Variants in CCDC102B observed in about 807,000 individuals in gnomAD.
CCDC102B encodes the protein coiled-coil domain-containing protein 102B.
In CCDC102B, 75 loss-of-function variants were observed where a neutral mutation model predicts 57.4. The ratio of observed to expected loss-of-function variants is 1.31; its 90% CI spans 1.08 to 1.58. The LOEUF is 1.58. Ranked by LOEUF, CCDC102B falls within the 40% of genes most tolerant of loss-of-function variation. The probability of loss-of-function intolerance (pLI) is 0.00; values close to 1 mark genes in which losing one functional copy is unlikely to be tolerated. For missense variants in CCDC102B, 636 were observed against 582.6 expected (o/e 1.09, Z -0.94); for synonymous variants, 206 against 201.9 (o/e 1.02, Z -0.17).
At chr18:68,924,138 A>C in intron 6 of CCDC102B, among the ~76,000 whole-genome samples, 1 of 145,344 alleles carries the variant, frequency 6.9e-6, no homozygotes, top group Non-Finnish European at 1.5e-5. Flanking sequence ...TTCCCCCCCA[A>C]AACTTATCAG....
At chr18:68,815,677 TAC>T (rs10592850) in intron 1 of CCDC102B, among the ~76,000 whole-genome samples, 2,696 of 149,228 alleles carry the variant, frequency 0.018, 26 homozygotes, top group Non-Finnish European at 0.021. Context: ...TCCATTTACA[TAC>T]ACACACACAC....
intron 6 of CCDC102B, among the ~76,000 whole-genome samples, chr18:68,990,253 C>G (rs2050829395): frequency 6.6e-6 from 1 of 152,132 alleles, no homozygotes; most frequent in Non-Finnish European, 1.5e-5. Flanking sequence ...GCCAGTAATC[C>G]TACCCTATTT....
intron 2 of CCDC102B, among the ~76,000 whole-genome samples, chr18:68,765,221 C>T (rs192397554): frequency 7.1e-6 from 1 of 141,658 alleles, no homozygotes; most frequent in East Asian, 2.1e-4. Context: ...GAGAATTTGT[C>T]AAGAAAGAAA....
chr18:69,028,620 A>G (rs1217504464), intron 7 of CCDC102B, among the ~76,000 whole-genome samples: 1 of 151,892 alleles, frequency 6.6e-6, no homozygotes. Context: ...TTTGCAGAAT[A>G]TGGGCTTCTT....
chr18:68,765,378 A>AAAGAAAGAAAGAAAGAAAGAAAGAAAGG (rs1568239061), intron 2 of CCDC102B, among the ~76,000 whole-genome samples: 1 of 132,502 alleles, frequency 7.5e-6, no homozygotes, highest in African/African-American at 2.9e-5. Context: ...AGAAAGAAAG[A>AAAGAAAGAAAGAAAGAAAGAAAGAAAGG]AAAGAAAGAA....
At chr18:68,791,636 G>A (rs1184465239) in intron 2 of CCDC102B, among the ~76,000 whole-genome samples, 3 of 60,390 alleles carry the variant, frequency 5.0e-5, no homozygotes, top group Non-Finnish European at 1.5e-4. Context: ...GTGTGTGTGT[G>A]TGTATGTGAG....
intron 3 of CCDC102B, among the ~76,000 whole-genome samples, chr18:68,842,465 A>G (rs1037330902): frequency 6.6e-6 from 1 of 152,308 alleles, no homozygotes; most frequent in Non-Finnish European, 1.5e-5. Context: ...TGCATAGATT[A>G]TAAAAATGCC....
At chr18:68,839,625 A>G (rs2037537461) in intron 3 of CCDC102B, among the ~76,000 whole-genome samples, 1 of 152,196 alleles carries the variant, frequency 6.6e-6, no homozygotes. Flanking sequence ...GCAAGGGCTC[A>G]AAGGCTGGCA....
intron 6 of CCDC102B, among the ~76,000 whole-genome samples, chr18:68,915,679 G>A (rs938829997): frequency 1.3e-5 from 2 of 152,158 alleles, no homozygotes; most frequent in Non-Finnish European, 2.9e-5. Flanking sequence ...AAGTCATTGA[G>A]GTTTTTGCCA....
At chr18:68,923,282 C>CA (rs913167505) in intron 6 of CCDC102B, among the ~76,000 whole-genome samples, 19 of 150,962 alleles carry the variant, frequency 1.3e-4, no homozygotes, top group Non-Finnish European at 2.4e-4. Context: ...AGTGTGTATA[C>CA]AAAAAATGTA....
At chr18:68,838,606 T>C in intron 2 of CCDC102B, 100 bp from the exon 3 acceptor site, 1 of 1,473,128 alleles carries the variant, frequency 6.8e-7, no homozygotes, top group Non-Finnish European at 9.0e-7. Context: ...AAATATGAAT[T>C]GGTTGTGGTA....
rs376002893 is a variant in CCDC102B at position 69,012,830 on chromosome 18, C to CA, written c.1434+1732dup. ...TGAGATTTGGAGTTGTTTGTTGCTA[C>CA]AAAAAACAAAACAAATTTAACTTAG... is the stretch of plus-strand genomic sequence containing the variant. On this transcript the variant is annotated intron_variant, in intron 7 of 7. Coordinates refer to ENST00000360242, the MANE Select transcript of CCDC102B (RefSeq NM_024781.3). Among the ~76,000 whole-genome samples, 277 of 151,876 alleles carry CA rather than the reference C, an allele frequency of 1.8e-3. No homozygotes were observed. The Middle Eastern group carries it at 0.027, about 15-fold the overall frequency.
At chr18:68,988,176 A>C (rs1568104052) in intron 6 of CCDC102B, among the ~76,000 whole-genome samples, 1 of 152,324 alleles carries the variant, frequency 6.6e-6, no homozygotes, top group East Asian at 1.9e-4. Flanking sequence ...TAGAAAAAAA[A>C]TGTGGTACGT....
chr18:68,866,818 A>G, intron 4 of CCDC102B: 1 of 694,804 alleles, frequency 1.4e-6, no homozygotes, highest in South Asian at 1.4e-5. Flanking sequence ...GTCTTATTTG[A>G]AACTTGTGAA....
intron 6 of CCDC102B, among the ~76,000 whole-genome samples, chr18:68,987,807 C>G (rs1200204331): frequency 6.6e-6 from 1 of 152,092 alleles, no homozygotes; most frequent in East Asian, 1.9e-4. Context: ...TGCTCCTAAT[C>G]ACTAATCATC....
chr18:69,044,812 A>G (rs986142852), intron 7 of CCDC102B, among the ~76,000 whole-genome samples: 1 of 152,154 alleles, frequency 6.6e-6, no homozygotes, highest in South Asian at 2.1e-4. Flanking sequence ...TTTACTTTGT[A>G]TATATTGTAT....
intron 4 of CCDC102B, among the ~76,000 whole-genome samples, chr18:68,869,366 G>C (rs1221639362): frequency 1.3e-5 from 2 of 152,180 alleles, no homozygotes; most frequent in Non-Finnish European, 2.9e-5. Context: ...CCAAGGAAGA[G>C]AGTCTTTGAA....
chr18:68,855,091 A>G (rs553722238), intron 4 of CCDC102B, among the ~76,000 whole-genome samples: 4 of 152,316 alleles, frequency 2.6e-5, no homozygotes, highest in Admixed American at 2.6e-4. Flanking sequence ...CCCATTAGCA[A>G]AAGATTTTAT....
At chr18:68,817,817 A>G (rs1484346626) in intron 1 of CCDC102B, among the ~76,000 whole-genome samples, 2 of 152,200 alleles carry the variant, frequency 1.3e-5, no homozygotes, top group Non-Finnish European at 2.9e-5. Context: ...GAGAAGGAAT[A>G]TTTGATAATG....
Sources: gnomAD v4.1 joint callset for allele counts (sites outside exome capture counted in the v4.1 genomes callset) on GRCh38, gnomAD v4.1.1 for gene constraint, MANE v1.5 for transcripts, NCBI Gene and HGNC (gene_info 2026-07-23, HGNC 2026-07-21) for gene names.